Variants in SPMIP7 observed in about 807,000 individuals in gnomAD.
SPMIP7 encodes the protein sperm microtubule inner protein 7.
the SPMIP7 span, among the ~76,000 whole-genome samples, chr7:50,123,735 CAATT>C: frequency 3.3e-5 from 5 of 151,512 alleles, no homozygotes; most frequent in African/African-American, 1.2e-4. Context: ...GTTAAAGAGT[CAATT>C]GATGGCTTAA....
At chr7:50,123,528 T>C in the SPMIP7 span, among the ~76,000 whole-genome samples, 1 of 150,728 alleles carries the variant, frequency 6.6e-6, no homozygotes, top group African/African-American at 2.4e-5. Context: ...GTAACTAACA[T>C]GCACATTGTG....
At chr7:50,116,307 G>A in the SPMIP7 span, among the ~76,000 whole-genome samples, 2 of 152,104 alleles carry the variant, frequency 1.3e-5, no homozygotes, top group Admixed American at 6.5e-5. Flanking sequence ...TGGAGACAGG[G>A]TCTCCCCATG....
At chr7:50,145,277 GA>G in the SPMIP7 span, among the ~76,000 whole-genome samples, 1 of 150,386 alleles carries the variant, frequency 6.6e-6, no homozygotes, top group Non-Finnish European at 1.5e-5. Context: ...AAAAAAAAAA[GA>G]ATCCTGTTTT....
At chr7:50,152,742 A>G in the SPMIP7 span, among the ~76,000 whole-genome samples, 2 of 151,758 alleles carry the variant, frequency 1.3e-5, no homozygotes, top group Admixed American at 1.3e-4. Context: ...GCTGGAGTGC[A>G]GTGGTGCGAT....
chr7:50,134,812 T>C, the SPMIP7 span, among the ~76,000 whole-genome samples: 1 of 152,240 alleles, frequency 6.6e-6, no homozygotes. Context: ...ATCTATGCCA[T>C]AGCCAGATAA....
the SPMIP7 span, among the ~76,000 whole-genome samples, chr7:50,146,863 G>A: frequency 6.6e-6 from 1 of 152,192 alleles, no homozygotes; most frequent in South Asian, 2.1e-4. Flanking sequence ...TGCACCTGCT[G>A]CATGCTGGGC....
At chr7:50,128,300 C>T in the SPMIP7 span, among the ~76,000 whole-genome samples, 2 of 151,774 alleles carry the variant, frequency 1.3e-5, no homozygotes, top group African/African-American at 4.8e-5. Flanking sequence ...TGGTGGTTAC[C>T]AGAGGCCAAG....
At chr7:50,110,193 G>A in the SPMIP7 span, among the ~76,000 whole-genome samples, 1 of 151,292 alleles carries the variant, frequency 6.6e-6, no homozygotes, top group Non-Finnish European at 1.5e-5. Flanking sequence ...TTATTTGAAA[G>A]CAACAAAATA....
the SPMIP7 span, among the ~76,000 whole-genome samples, chr7:50,147,468 G>T: frequency 1.1e-4 from 16 of 152,198 alleles, no homozygotes; most frequent in Non-Finnish European, 2.1e-4. Context: ...ATTGTTGTGA[G>T]AATTAAACAG....
chr7:50,126,987 C>T, the SPMIP7 span, among the ~76,000 whole-genome samples: 25 of 152,166 alleles, frequency 1.6e-4, no homozygotes, highest in East Asian at 4.0e-3. Context: ...AGAGACATCA[C>T]ACTTCCTGAC....
At chr7:50,103,970 C>A in the SPMIP7 span, among the ~76,000 whole-genome samples, 10 of 152,168 alleles carry the variant, frequency 6.6e-5, no homozygotes, top group Non-Finnish European at 1.5e-4. Context: ...GACTTCTAAT[C>A]TATCATTATA....
chr7:50,141,552 T>C, the SPMIP7 span: 1 of 569,780 alleles, frequency 1.8e-6, no homozygotes. Flanking sequence ...ACAAAGGAGA[T>C]TTTGGGGATT....
the SPMIP7 span, among the ~76,000 whole-genome samples, chr7:50,126,074 A>G: frequency 1.3e-5 from 2 of 152,120 alleles, no homozygotes; most frequent in African/African-American, 4.8e-5. Context: ...ACATGTATCG[A>G]ATCATCATGT....
chr7:50,155,973 AC>A, the SPMIP7 span, among the ~76,000 whole-genome samples: 1 of 151,382 alleles, frequency 6.6e-6, no homozygotes, highest in South Asian at 2.1e-4. Flanking sequence ...CCAAAGTGTC[AC>A]CCACAACTAA....
At chr7:50,104,339 T>C in the SPMIP7 span, 2 of 1,537,628 alleles carry the variant, frequency 1.3e-6, no homozygotes, top group Non-Finnish European at 1.8e-6. Context: ...TGAAAGTTAC[T>C]CCCTTACAAC....
chr7:50,146,224 A>G, the SPMIP7 span, among the ~76,000 whole-genome samples: 3 of 152,222 alleles, frequency 2.0e-5, no homozygotes, highest in Non-Finnish European at 2.9e-5. Context: ...TGCAAGTTCT[A>G]TCCCCATTTT....
At chr7:50,099,417 G>C in the SPMIP7 span, among the ~76,000 whole-genome samples, 2 of 152,156 alleles carry the variant, frequency 1.3e-5, no homozygotes, top group South Asian at 4.1e-4. Flanking sequence ...TTCTGAAAAT[G>C]TATCTTATTC....
the SPMIP7 span, among the ~76,000 whole-genome samples, chr7:50,152,745 G>A: frequency 6.6e-6 from 1 of 151,820 alleles, no homozygotes; most frequent in Non-Finnish European, 1.5e-5. Context: ...GGAGTGCAGT[G>A]GTGCGATCTC....
the SPMIP7 span, among the ~76,000 whole-genome samples, chr7:50,119,002 A>T: frequency 6.6e-6 from 1 of 152,174 alleles, no homozygotes; most frequent in Non-Finnish European, 1.5e-5. Flanking sequence ...ATTATGTCAT[A>T]GTGTATTTTC....
Sources: gnomAD v4.1 joint callset for allele counts (sites outside exome capture counted in the v4.1 genomes callset) on GRCh38, gnomAD v4.1.1 for gene constraint, MANE v1.5 for transcripts, NCBI Gene and HGNC (gene_info 2026-07-23, HGNC 2026-07-21) for gene names.